The following ADAMTSL1 variants were observed in gnomAD, a reference collection of about 807,000 sequenced individuals.
ADAMTSL1 encodes ADAMTS like 1, also known as ADAMTS-like protein 1.
A neutral mutation model predicts 201.8 loss-of-function variants in ADAMTSL1; 126 were observed. The observed-to-expected ratio is 0.62, with a 90% CI of 0.54 to 0.72. ADAMTSL1 has a LOEUF of 0.72. Ranked by LOEUF, ADAMTSL1 falls within the 30% of genes least tolerant of loss-of-function variation. ADAMTSL1 has a pLI of 0.00. For missense variants in ADAMTSL1, 2,679 were observed against 2,277.8 expected, an observed-to-expected ratio of 1.18 and a Z score of -3.59; for synonymous variants, 1,121 against 903.4, an observed-to-expected ratio of 1.24 and a Z score of -4.32.
At position 18,294,971 on chromosome 9, in the gene ADAMTSL1, C is replaced by T. The variant is rs545718743; in HGVS notation, c.207+130990C>T. Among the ~76,000 whole-genome samples the T allele has an allele frequency of 3.9e-5, 6 of 152,202 alleles. No individual in the cohort carries two copies. The South Asian group carries it at 1.0e-3, about 26-fold the overall frequency. The stretch of plus-strand genomic sequence containing the variant: ...CCTTCTTCTGCTCTCTTTCTCCCTT[C>T]CTCTTATCAGTACCAAGATCAGCTT... On this transcript the variant is annotated intron_variant, in intron 2 of 29. Transcript: ENST00000680146.
chr9:18,375,137 G>C (rs1309296001), intron 2 of ADAMTSL1, among the ~76,000 whole-genome samples: 2 of 152,172 alleles, frequency 1.3e-5, no homozygotes, highest in Non-Finnish European at 2.9e-5. Context: ...ACTCACTCCT[G>C]ACCAGAGCTG....
chr9:18,496,533 A>G (rs1437895566), intron 1 of ADAMTSL1, among the ~76,000 whole-genome samples: 1 of 152,204 alleles, frequency 6.6e-6, no homozygotes, highest in Non-Finnish European at 1.5e-5. Flanking sequence ...AAGAAAAGAG[A>G]AAGTTCTACC....
chr9:18,235,216 A>G (rs1482812089), intron 2 of ADAMTSL1, among the ~76,000 whole-genome samples: 3 of 152,102 alleles, frequency 2.0e-5, no homozygotes. Flanking sequence ...GACCTTAACG[A>G]TTTGGGAAAA....
intron 15 of ADAMTSL1, among the ~76,000 whole-genome samples, chr9:18,732,572 C>T (rs1489841137): frequency 1.3e-5 from 2 of 152,088 alleles, no homozygotes; most frequent in Admixed American, 1.3e-4. Flanking sequence ...TGAAATGAGC[C>T]GCTGTGTCCC....
At position 18,887,961 on chromosome 9, in the gene ADAMTSL1, C is replaced by T. The variant is rs149522121; in HGVS notation, c.4380C>T (p.Ser1460=). 1.0e-3 allele frequency: 1,671 copies of T among 1,613,926 alleles called. 14 individuals are homozygous for T. In the African/African-American group the frequency reaches 0.017, roughly 16 times the overall value. The change falls in exon 24 of 29, where the codon AGC becomes AGT. Residue 1460 remains serine (S), a synonymous_variant. Transcript: ENST00000380548. ...AGQILQVANL[S]GGSQGEFSCL... ...AGATCCTTCAAGTTGCAAACCTTAG[C>T]GGTGGGTCTCAAGGGGAATTCAGCT...
chr9:17,936,587 C>T (rs1201844232), intron 1 of ADAMTSL1, among the ~76,000 whole-genome samples: 6 of 152,172 alleles, frequency 3.9e-5, no homozygotes, highest in Non-Finnish European at 5.9e-5. Context: ...GGCTGCCGCT[C>T]AGGCCATAAA....
chr9:18,169,425 C>T (rs1827790500), intron 2 of ADAMTSL1, among the ~76,000 whole-genome samples: 1 of 152,170 alleles, frequency 6.6e-6, no homozygotes, highest in East Asian at 1.9e-4. Flanking sequence ...TGCCAAAGAT[C>T]AGATAGTTGT....
chr9:18,290,716 C>T (rs566682074), intron 2 of ADAMTSL1, among the ~76,000 whole-genome samples: 1 of 151,864 alleles, frequency 6.6e-6, no homozygotes, highest in Non-Finnish European at 1.5e-5. Context: ...AGGCAGTGTT[C>T]CCCTTTACCC....
chr9:18,558,798 A>G (rs1282490176), intron 3 of ADAMTSL1, among the ~76,000 whole-genome samples: 1 of 152,138 alleles, frequency 6.6e-6, no homozygotes, highest in Non-Finnish European at 1.5e-5. Context: ...TGTTGGCCAC[A>G]TAAATGTCTT....
intron 2 of ADAMTSL1, among the ~76,000 whole-genome samples, chr9:18,311,056 G>T (rs1834133741): frequency 6.6e-6 from 1 of 152,060 alleles, no homozygotes; most frequent in African/African-American, 2.4e-5. Context: ...CCTTTGTAGG[G>T]ACATGGATGA....
intron 23 of ADAMTSL1, among the ~76,000 whole-genome samples, chr9:18,883,243 T>C (rs1461633369): frequency 2.0e-5 from 3 of 152,192 alleles, no homozygotes; most frequent in African/African-American, 7.2e-5. Context: ...TGATCTAAGC[T>C]GGGTTTGGCT....
chr9:18,004,949 T>G (rs1819753061), intron 1 of ADAMTSL1, among the ~76,000 whole-genome samples: 1 of 152,112 alleles, frequency 6.6e-6, no homozygotes, highest in Non-Finnish European at 1.5e-5. Flanking sequence ...TTTAAAATGC[T>G]GACTATGTGT....
At chr9:18,169,131 G>C (rs10810917) in intron 2 of ADAMTSL1, among the ~76,000 whole-genome samples, 4 of 141,798 alleles carry the variant, frequency 2.8e-5, no homozygotes, top group African/African-American at 5.2e-5. Flanking sequence ...TTAGTTTAAT[G>C]AGATCCCATT....
At chr9:18,077,321 A>G (rs1304681046) in intron 1 of ADAMTSL1, among the ~76,000 whole-genome samples, 2 of 152,234 alleles carry the variant, frequency 1.3e-5, no homozygotes, top group Non-Finnish European at 2.9e-5. Context: ...ACAAAGATGC[A>G]GAGACCCAGA....
rs866214443 is a variant in ADAMTSL1, at chr9:18,198,965, T to C, written c.207+34984T>C. 3.5e-5 allele frequency among the ~76,000 whole-genome samples: 5 copies of C among 140,916 alleles called. No homozygotes were observed. In the Middle Eastern group the frequency reaches 0.014, roughly 403 times the overall value. The allele number at this position is 140,916 out of a possible 152,430, so 92.4% of individuals were successfully genotyped here. A position where few individuals can be genotyped will look rare whatever the true frequency, so the allele number is the denominator to read the frequency against. ...TGAGTTCATGTCCTTTGCAGGGACA[T>C]GGATGACATTGGAAATCATCATTCT... On this transcript the variant is annotated intron_variant, in intron 2 of 29. Coordinates refer to the ADAMTSL1 transcript ENST00000680146.
rs185677500 is a variant in ADAMTSL1, at chr9:18,421,614, T to C, written c.208-83215T>C. On this transcript the variant is annotated intron_variant, in intron 2 of 29. Coordinates refer to the ADAMTSL1 transcript ENST00000680146. ...ACCCTCTCCTGCTCAACAGGTCCCC[T>C]GCTGTCAAAGATACCAGCAGTAGCA... Among the ~76,000 whole-genome samples, 564 of 152,342 alleles carry C rather than the reference T, an allele frequency of 3.7e-3. 5 individuals are homozygous for C. Among genetic ancestry groups the C allele is most frequent in the African/African-American group, 0.013 (524 of 41,578 alleles).
At chr9:18,399,120 G>C (rs1460432917) in intron 2 of ADAMTSL1, among the ~76,000 whole-genome samples, 1 of 151,378 alleles carries the variant, frequency 6.6e-6, no homozygotes, top group Non-Finnish European at 1.5e-5. Context: ...GAGCCTACGA[G>C]CTTGTGGGTG....
At chr9:18,394,176 A>T (rs1817652582) in intron 2 of ADAMTSL1, among the ~76,000 whole-genome samples, 1 of 151,996 alleles carries the variant, frequency 6.6e-6, no homozygotes, top group Non-Finnish European at 1.5e-5. Flanking sequence ...ATTTTTTTTT[A>T]AAGGAGAAGC....
At chr9:18,601,143 T>G (rs953365526) in intron 4 of ADAMTSL1, among the ~76,000 whole-genome samples, 3 of 152,214 alleles carry the variant, frequency 2.0e-5, no homozygotes, top group Admixed American at 1.3e-4. Flanking sequence ...AGCTCCAGAA[T>G]AGGACAATAA....
Sources: allele counts gnomAD v4.1 joint callset (sites outside exome capture counted in the v4.1 genomes callset), GRCh38; gene constraint gnomAD v4.1.1; transcripts MANE v1.5; gene names NCBI Gene and HGNC (gene_info 2026-07-23, HGNC 2026-07-21).